COL12A1: variants seen among roughly 807,000 people sequenced by gnomAD.
COL12A1 encodes collagen type XII alpha 1 chain.
Under a neutral mutation model 349.7 loss-of-function variants are expected in COL12A1, and 114 were observed. The ratio of observed to expected loss-of-function variants is 0.33; its 90% CI spans 0.28 to 0.38. The LOEUF (loss-of-function observed/expected upper bound fraction) is 0.38. Ranked by LOEUF, COL12A1 falls within the 10% of genes least tolerant of loss-of-function variation. The pLI is 1.00. For synonymous variants in COL12A1, 1,369 were observed against 1,329.0 expected (o/e 1.03, Z -0.66); for missense variants, 3,284 against 3,756.9 (o/e 0.87, Z 3.29).
chr6:75,200,564 C>G (rs1022636278), intron 2 of COL12A1, among the ~76,000 whole-genome samples: 1 of 152,134 alleles, frequency 6.6e-6, no homozygotes, highest in South Asian at 2.1e-4. Context: ...CAGAGCGAGA[C>G]TCTGTCTCAG....
In COL12A1 at chr6:75,102,573, A is replaced by C. The variant is rs946515294; in HGVS notation, c.8415+24T>G. 2.0e-6 allele frequency: 3 copies of C among 1,466,838 alleles called. No individual in the cohort carries two copies. The African/African-American group carries it at 4.4e-5, about 21-fold the overall frequency. 90.9% of individuals were successfully genotyped at this position (1,466,838 alleles called of 1,614,324 possible). ...AAATGTTTATCCACCACTCTCATTT[A>C]ATACAGAAAGGCTTTGTGCTTACTT... On this transcript the variant is annotated intron_variant, in intron 56 of 65. Transcript: ENST00000322507.
At chr6:75,169,589 TG>T (rs1249998593) in intron 13 of COL12A1, among the ~76,000 whole-genome samples, 2 of 152,200 alleles carry the variant, frequency 1.3e-5, no homozygotes, top group South Asian at 2.1e-4. Context: ...CTTATGGTGC[TG>T]GGGTTTGTTT....
chr6:75,117,204 T>C (rs1303941497), intron 47 of COL12A1, among the ~76,000 whole-genome samples, 178 bp downstream of exon 47: 1 of 152,190 alleles, frequency 6.6e-6, no homozygotes, highest in Non-Finnish European at 1.5e-5. Flanking sequence ...AAAATGGATT[T>C]CTGACAAGCA....
At chr6:75,168,684 C>T (rs1768447544) in intron 13 of COL12A1, among the ~76,000 whole-genome samples, 1 of 152,234 alleles carries the variant, frequency 6.6e-6, no homozygotes, top group South Asian at 2.1e-4. Context: ...GATTCCAAAA[C>T]CTCTACAATT....
Position 75,113,719 on chromosome 6 carries a change from G to A in COL12A1, c.7723C>T (p.Pro2575Ser). The change falls in exon 50 of 66, where the codon CCT (proline) becomes TCT (serine). Residue 2575 changes from proline (P) to serine (S), a missense_variant. Pro to Ser is a moderately conservative substitution (Grantham distance 74). Coordinates refer to ENST00000322507, the MANE Select transcript of COL12A1 (RefSeq NM_004370.6). ...AATAATAATATAATCGTGTATGAAG[G>A]AGGGAGTCCATTTGGGTGTAGGTCT... Reference protein sequence around the residue: ...TADLHPNGLPPSYTIILLFRL... With the variant: ...TADLHPNGLPSSYTIILLFRL... The A allele has an allele frequency of 6.3e-7, 1 of 1,597,364 alleles. No homozygotes were observed.
Position 75,165,795 on chromosome 6 carries a change from A to T in COL12A1, c.2711-16T>A. ...GAACCACGTTCTAGAACAGAAATTA[A>T]AAGGGAATCTTTTTTAAAAATGTCT... On this transcript the variant is annotated splice_polypyrimidine_tract_variant and intron_variant, in intron 13 of 65. Transcript: ENST00000322507. 6.2e-7 allele frequency: 1 copy of T among 1,607,242 alleles called. No individual in the cohort carries two copies. Among genetic ancestry groups the T allele is most frequent in the Non-Finnish European group, 8.5e-7 (1 of 1,176,728 alleles).
At chr6:75,127,676 A>C (rs1766083420) in intron 38 of COL12A1, among the ~76,000 whole-genome samples, 1 of 152,168 alleles carries the variant, frequency 6.6e-6, no homozygotes. Context: ...CTGGGAGTGG[A>C]ACCCAGGCGT....
intron 14 of COL12A1, among the ~76,000 whole-genome samples, chr6:75,161,498 T>C (rs528909228): frequency 3.9e-5 from 6 of 152,240 alleles, no homozygotes; most frequent in African/African-American, 1.4e-4. Context: ...GAACATTTCA[T>C]TCCTGCCACG....
In COL12A1 at chr6:75,130,153, C is replaced by A. The variant is rs947116571; in HGVS notation, c.6148G>T (p.Gly2050Trp). ...ATGATCCTGTACTGCTGAACTGGCC[C>A]ATCAGCATGATCCCAGGCTACCGAG... ...SLSVAWDHAD[G>W]PVQQYRIIYS... Residue 2050 changes from glycine to tryptophan, a missense_variant, in exon 37 of 66, where the codon GGG becomes TGG. Physicochemically the swap from Gly to Trp is radical, Grantham distance 184 (BLOSUM62 -2). Around this residue, in one of 2 missense-constraint regions of COL12A1, gnomAD observed 2,601 missense variants for 2,824.8 expected, o/e 0.92. Transcript: ENST00000322507. The A allele has an allele frequency of 4.2e-5, 68 of 1,613,946 alleles. No homozygotes were observed. Among genetic ancestry groups the A allele is most frequent in the Non-Finnish European group, 5.7e-5 (67 of 1,179,986 alleles).
intron 14 of COL12A1, among the ~76,000 whole-genome samples, chr6:75,163,895 G>A (rs1438584342): frequency 1.3e-5 from 2 of 152,006 alleles, no homozygotes; most frequent in African/African-American, 4.8e-5. Flanking sequence ...ACAAAACGGA[G>A]GATAATTTCT....
At chr6:75,197,938 C>T (rs945510843) in intron 2 of COL12A1, among the ~76,000 whole-genome samples, 16 of 152,150 alleles carry the variant, frequency 1.1e-4, no homozygotes, top group Admixed American at 6.5e-4. Context: ...CTGAAACTTG[C>T]TGAGTGTTCT....
At chr6:75,141,628 C>A (rs939391218) in intron 27 of COL12A1, among the ~76,000 whole-genome samples, 4 of 152,176 alleles carry the variant, frequency 2.6e-5, no homozygotes, top group African/African-American at 4.8e-5. Flanking sequence ...GGCAAAGATG[C>A]TTATATTTTG....
chr6:75,134,146 G>A, intron 32 of COL12A1, 149 bp from the exon 33 acceptor site: 1 of 830,078 alleles, frequency 1.2e-6, no homozygotes, highest in Non-Finnish European at 1.9e-6. Flanking sequence ...CACACACTGT[G>A]TCCGCGTCAG....
rs750491475 is a variant in COL12A1 at position 75,091,388 on chromosome 6, C to T, written c.8687G>A (p.Gly2896Glu). The change falls in exon 62 of 66, where the codon GGA becomes GAA. Residue 2896 changes from glycine (G) to glutamate (E), a missense_variant and splice_region_variant. Physicochemically the swap from Gly to Glu is moderately conservative, Grantham distance 98. This residue lies in a region of COL12A1 where 683 missense variants were observed against 932.1 expected (regional missense o/e 0.73). Transcript: ENST00000322507. ...CATCATGTTCTGGGAAGCAATGTCT[C>T]CCTTGTTGAATTAATGAGAATGATT... ...SGLKGEKGDR[G>E]DIASQNMMRA... The T allele has an allele frequency of 1.2e-6, 2 of 1,613,580 alleles. No individual in the cohort carries two copies. The highest frequency in any genetic ancestry group is 3.3e-5 in the Admixed American group (2 of 59,998).
intron 36 of COL12A1, among the ~76,000 whole-genome samples, chr6:75,130,439 G>C (rs991209735): frequency 2.0e-5 from 3 of 152,118 alleles, no homozygotes; most frequent in African/African-American, 7.2e-5. Context: ...CAGTGACCTA[G>C]AGCTAGCTTT....
chr6:75,148,047 C>T (rs1022026838), intron 22 of COL12A1, among the ~76,000 whole-genome samples: 12 of 152,056 alleles, frequency 7.9e-5, no homozygotes, highest in Non-Finnish European at 1.5e-5. Context: ...ATGTTCCTTG[C>T]TAACTCTCTG....
chr6:75,093,191 C>A (rs1767855471), intron 60 of COL12A1, among the ~76,000 whole-genome samples: 1 of 152,148 alleles, frequency 6.6e-6, no homozygotes, highest in South Asian at 2.1e-4. Flanking sequence ...TCTATATACC[C>A]CCCAGAATGT....
rs1274606112 is a variant in COL12A1, at chr6:75,138,447, C to T, written c.5230+1G>A. Reference sequence around the variant, plus strand: ...GTCCTATTTGAAAGCTAAACACCTACGTGTGCGCTCACTGCCAATCAGGTC... The same window carrying T: ...GTCCTATTTGAAAGCTAAACACCTATGTGTGCGCTCACTGCCAATCAGGTC... On this transcript the variant is annotated splice_donor_variant, in intron 29 of 65. Coordinates refer to ENST00000322507, the MANE Select transcript of COL12A1 (RefSeq NM_004370.6). LOFTEE classifies it high-confidence loss of function. 8 of 1,613,090 alleles carry T rather than the reference C, an allele frequency of 5.0e-6. No homozygotes were observed. Among genetic ancestry groups the T allele is most frequent in the East Asian group, 4.5e-5 (2 of 44,868 alleles).
At chr6:75,134,891 G>C (rs1176715626) in intron 31 of COL12A1, 36 bp from the exon 32 acceptor site, 1 of 1,591,822 alleles carries the variant, frequency 6.3e-7, no homozygotes. Context: ...TGTCAGCCTT[G>C]CTCTCTCCAT....
Sources: gnomAD v4.1 joint callset for allele counts (sites outside exome capture counted in the v4.1 genomes callset) on GRCh38, gnomAD v4.1.1 for gene constraint, gnomAD v4.1.1 regional missense constraint, MANE v1.5 for transcripts, NCBI Gene and HGNC (gene_info 2026-07-23, HGNC 2026-07-21) for gene names.